The following UGT1A5 variants were observed in gnomAD, a reference collection of about 807,000 sequenced individuals.
The protein encoded by UGT1A5 is UDP-glucuronosyltransferase 1A5.
UGT1A5 carries 29 observed loss-of-function variants against 40.3 expected under a neutral mutation model. The observed-to-expected ratio is 0.72, with a 90% CI of 0.54 to 0.98. The LOEUF is 0.98. Ranked by LOEUF, UGT1A5 falls within the 50% of genes least tolerant of loss-of-function variation. The pLI is 0.00. For synonymous variants in UGT1A5, 257 were observed against 262.5 expected (o/e 0.98, Z 0.20); for missense variants, 678 against 677.9 (o/e 1.00, Z 0.00).
chr2:233,724,200 G>A (rs1277463705), intron 1 of UGT1A5, among the ~76,000 whole-genome samples: 6 of 126,908 alleles, frequency 4.7e-5, no homozygotes, highest in Admixed American at 1.5e-4. Context: ...GTGGCTGGCC[G>A]GGCTGAGGGG....
At chr2:233,721,420 A>G (rs2076943855) in intron 1 of UGT1A5, 1 of 156,132 alleles carries the variant, frequency 6.4e-6, no homozygotes, top group Admixed American at 6.5e-5. Context: ...AGGTACCCTA[A>G]GCATTGTGGT....
At chr2:233,734,101 TATAATA>T (rs549143261) in intron 1 of UGT1A5, among the ~76,000 whole-genome samples, 1 of 151,280 alleles carries the variant, frequency 6.6e-6, no homozygotes, top group Admixed American at 6.6e-5. Context: ...AAACTTAAAG[TATAATA>T]ATAATAATAA....
At chr2:233,755,393 A>C in intron 1 of UGT1A5, 1 of 341,520 alleles carries the variant, frequency 2.9e-6, no homozygotes, top group South Asian at 2.4e-5. Context: ...TGACGCAGCC[A>C]CATCTCATTG....
chr2:233,718,088 T>C (rs993085528), intron 1 of UGT1A5: 4 of 337,804 alleles, frequency 1.2e-5, no homozygotes, highest in African/African-American at 2.1e-5. Flanking sequence ...GTCTTGCCCA[T>C]GTGTGCTTTA....
intron 1 of UGT1A5, chr2:233,728,971 AT>A: frequency 6.7e-7 from 1 of 1,483,170 alleles, no homozygotes; most frequent in Non-Finnish European, 9.0e-7. Flanking sequence ...ACAGTGATAG[AT>A]TAATGGTTAA....
intron 1 of UGT1A5, chr2:233,760,347 G>A (rs1239455417): frequency 6.2e-7 from 1 of 1,613,914 alleles, no homozygotes; most frequent in African/African-American, 1.3e-5. Flanking sequence ...TGTGTGTGCT[G>A]GGCCCAGTGG....
At chr2:233,741,883 TAGA>T (rs1422759422) in intron 1 of UGT1A5, 4 of 151,920 alleles carry the variant, frequency 2.6e-5, no homozygotes, top group Admixed American at 2.0e-4. Context: ...GAGGTGACCC[TAGA>T]AGAAGGGACC....
rs2076727897 is a variant in UGT1A5, at chr2:233,719,116, G to C, written c.867+5258G>C. On this transcript the variant is annotated intron_variant, in intron 1 of 4. Coordinates refer to ENST00000373414, the MANE Select transcript of UGT1A5 (RefSeq NM_019078.2). Reference sequence around the variant, plus strand: ...CGCGTTACGCTGGGCTACACTCAAGGGTTCTTTGAAACAGAACATCTTCTG... The same window carrying C: ...CGCGTTACGCTGGGCTACACTCAAGCGTTCTTTGAAACAGAACATCTTCTG... 4 of 1,614,102 alleles carry C rather than the reference G, an allele frequency of 2.5e-6. No homozygotes were observed. In the African/African-American group the frequency reaches 5.3e-5, roughly 22 times the overall value.
intron 1 of UGT1A5, chr2:233,747,755 C>T: frequency 6.2e-7 from 1 of 1,613,468 alleles, no homozygotes; most frequent in Non-Finnish European, 8.5e-7. Context: ...GTGATTTAGA[C>T]TTTAAGGGCA....
chr2:233,765,712 T>A (rs1046504378), intron 1 of UGT1A5, among the ~76,000 whole-genome samples: 5 of 111,216 alleles, frequency 4.5e-5, no homozygotes, highest in Non-Finnish European at 8.4e-5. Context: ...TAATAATAAT[T>A]AATAATAATA....
At chr2:233,718,866 C>T in intron 1 of UGT1A5, 1 of 1,613,892 alleles carries the variant, frequency 6.2e-7, no homozygotes, top group Non-Finnish European at 8.5e-7. Context: ...GGCCACAGGA[C>T]TGCTGCTCCT....
intron 1 of UGT1A5, chr2:233,748,207 C>G (rs1467291155): frequency 6.6e-7 from 1 of 1,505,266 alleles, no homozygotes; most frequent in African/African-American, 1.4e-5. Context: ...TCGTAATAGC[C>G]TTCAGTGAGA....
At chr2:233,734,495 T>C (rs541063425) in intron 1 of UGT1A5, among the ~76,000 whole-genome samples, 38 of 152,346 alleles carry the variant, frequency 2.5e-4, no homozygotes, top group African/African-American at 9.1e-4. Flanking sequence ...TTGAAGGTTT[T>C]TTTGTGTCTC....
chr2:233,713,348 T>C lies in UGT1A5; in HGVS notation c.357T>C (p.Asn119=), dbSNP rs149718405. 1.5e-5 allele frequency: 25 copies of C among 1,614,220 alleles called. No individual in the cohort carries two copies. The highest frequency in any genetic ancestry group is 2.1e-5 in the Non-Finnish European group (25 of 1,180,028). ...CTAGAAGAATGGCAATTATGAACAA[T>C]ATGTCTTTGATCATACATAGGTCTT... is the stretch of plus-strand genomic sequence containing the variant. ...KFSRRMAIMN[N]MSLIIHRSCV... Residue 119 remains asparagine (N), a synonymous_variant, in exon 1 of 5, where the codon AAT becomes AAC. Coordinates refer to ENST00000373414, the MANE Select transcript of UGT1A5 (RefSeq NM_019078.2).
intron 1 of UGT1A5, chr2:233,722,101 G>A: frequency 1.0e-5 from 2 of 200,878 alleles, no homozygotes; most frequent in Non-Finnish European, 1.0e-5. Context: ...AGGCCTCTTA[G>A]AGGAAGAGCT....
rs28900377 is a variant in UGT1A5 at position 233,743,611 on chromosome 2, C to T, written c.868-23423C>T. The T allele has an allele frequency of 3.6e-3, 4,908 of 1,367,342 alleles. 268 individuals are homozygous for T. The African/African-American group carries it at 0.064, about 18-fold the overall frequency. The allele number at this position is 1,367,342 out of a possible 1,614,324, so 84.7% of individuals were successfully genotyped here. The stretch of plus-strand genomic sequence containing the variant: ...AGAATGGGTCCTGGCCGCCGAAGAA[C>T]TCCCTGAAGACGTCGGCTGGGTCGC... On this transcript the variant is annotated intron_variant, in intron 1 of 4. Transcript: ENST00000373414.
intron 1 of UGT1A5, chr2:233,760,727 T>G: frequency 6.2e-7 from 1 of 1,614,214 alleles, no homozygotes; most frequent in Non-Finnish European, 8.5e-7. Context: ...AGCTTTGATG[T>G]CATGCTGACG....
At chr2:233,749,019 A>C (rs1274313061) in intron 1 of UGT1A5, among the ~76,000 whole-genome samples, 1 of 151,468 alleles carries the variant, frequency 6.6e-6, no homozygotes, top group Non-Finnish European at 1.5e-5. Context: ...TTAATCCAGA[A>C]TATTTGGGGT....
At chr2:233,760,125 C>T in intron 1 of UGT1A5, 1 of 1,316,530 alleles carries the variant, frequency 7.6e-7, no homozygotes, top group Admixed American at 2.6e-5. Context: ...TAAAGCTCCA[C>T]CTTCTTTATC....
Sources: gnomAD v4.1 joint callset for allele counts (sites outside exome capture counted in the v4.1 genomes callset) on GRCh38, gnomAD v4.1.1 for gene constraint, MANE v1.5 for transcripts, NCBI Gene and HGNC (gene_info 2026-07-23, HGNC 2026-07-21) for gene names.